RNASEH2B: variants seen among roughly 807,000 people sequenced by gnomAD.
RNASEH2B encodes the protein Aicardi-Goutieres syndrome 2 protein.
Under a neutral mutation model 45.0 loss-of-function variants are expected in RNASEH2B, and 36 were observed. That is an observed-to-expected ratio of 0.80 (90% CI 0.61 to 1.06). The LOEUF is 1.06. RNASEH2B is among the 50% of genes least tolerant of loss of function. The pLI, the probability that RNASEH2B is intolerant of heterozygous loss-of-function variation, is 0.00. For missense variants in RNASEH2B, 361 were observed against 360.3 expected (o/e 1.00, Z -0.02); for synonymous variants, 119 against 125.7 (o/e 0.95, Z 0.35).
At chr13:50,925,343 C>T (rs781074387) in intron 1 of RNASEH2B, among the ~76,000 whole-genome samples, 12 of 152,014 alleles carry the variant, frequency 7.9e-5, no homozygotes, top group Non-Finnish European at 1.8e-4. Context: ...TTTGTTTACT[C>T]ATTATGGGCC....
chr13:50,943,264 C>A lies in RNASEH2B; in HGVS notation c.437-57C>A, dbSNP rs1318093292. The A allele has an allele frequency of 9.0e-6, 9 of 997,778 alleles. No individual in the cohort carries two copies. In the South Asian group the frequency reaches 9.5e-5, roughly 10 times the overall value. 61.8% of individuals were successfully genotyped at this position (997,778 alleles called of 1,614,324 possible). On this transcript the variant is annotated intron_variant, in intron 5 of 10. Transcript: ENST00000336617. ...AATGGTTAACTTGTATATGATACAACCTTAGGAGTTTATTTTTTTTTTAAT... is the reference window on the plus strand; with the variant it reads ...AATGGTTAACTTGTATATGATACAAACTTAGGAGTTTATTTTTTTTTTAAT...
At chr13:50,968,711 T>G (rs1032472963) in intron 9 of RNASEH2B, among the ~76,000 whole-genome samples, 1 of 152,238 alleles carries the variant, frequency 6.6e-6, no homozygotes, top group Non-Finnish European at 1.5e-5. Flanking sequence ...CAATTTATCC[T>G]CAACGATGGC....
At chr13:50,933,994 G>C (rs925464549) in intron 4 of RNASEH2B, 1 of 152,200 alleles carries the variant, frequency 6.6e-6, no homozygotes. Flanking sequence ...ACCCAAGAAA[G>C]CTGCATTTGC....
intron 1 of RNASEH2B, among the ~76,000 whole-genome samples, chr13:50,924,913 T>C (rs1424021063): frequency 6.6e-6 from 1 of 152,244 alleles, no homozygotes; most frequent in Non-Finnish European, 1.5e-5. Flanking sequence ...CTGTTTCTTA[T>C]GCTTTGAGTT....
At chr13:50,962,301 C>T (rs909771538) in intron 9 of RNASEH2B, among the ~76,000 whole-genome samples, 6 of 152,210 alleles carry the variant, frequency 3.9e-5, no homozygotes, top group Admixed American at 1.3e-4. Context: ...CCTTATATGT[C>T]GGACACAATT....
intron 9 of RNASEH2B, chr13:50,950,876 A>T (rs1004687016): frequency 1.3e-5 from 2 of 152,218 alleles, no homozygotes; most frequent in African/African-American, 4.8e-5. Flanking sequence ...TTCATCATTT[A>T]TGATTTAGAT....
intron 3 of RNASEH2B, among the ~76,000 whole-genome samples, chr13:50,930,335 C>T (rs765064883): frequency 1.4e-4 from 21 of 152,160 alleles, no homozygotes; most frequent in African/African-American, 2.2e-4. Flanking sequence ...CTAACATTGC[C>T]GTCTTCTCAT....
At chr13:50,949,841 A>G (rs1951954441) in intron 9 of RNASEH2B, among the ~76,000 whole-genome samples, 1 of 152,208 alleles carries the variant, frequency 6.6e-6, no homozygotes, top group Admixed American at 6.5e-5. Flanking sequence ...AGCATACTCT[A>G]TATATAACTA....
At chr13:50,956,772 A>G (rs975278021), downstream of RNASEH2B, 2 of 1,088,190 alleles carry the variant, frequency 1.8e-6, no homozygotes, top group Non-Finnish European at 2.2e-6. Flanking sequence ...GTTAGAGTGT[A>G]TGACTGCTTT....
chr13:50,916,848 C>T (rs1879773043), intron 1 of RNASEH2B, among the ~76,000 whole-genome samples: 1 of 152,162 alleles, frequency 6.6e-6, no homozygotes, highest in Non-Finnish European at 1.5e-5. Context: ...TTAGCAGGTT[C>T]ACATCCTCCC....
chr13:50,964,660 C>T (rs1011247610), intron 9 of RNASEH2B, among the ~76,000 whole-genome samples: 8 of 152,200 alleles, frequency 5.3e-5, no homozygotes, highest in Admixed American at 5.2e-4. Flanking sequence ...ACATGATAGT[C>T]AGACAGGTTG....
rs148774768 is a variant in RNASEH2B, at chr13:50,948,716, A to C, written c.698+648A>C. 6.0e-4 allele frequency: 91 copies of C among 152,338 alleles called. 1 individual carries two copies. The highest frequency in any genetic ancestry group is 2.1e-3 in the African/African-American group (89 of 41,564). 9.4% of individuals were successfully genotyped at this position (152,338 alleles called of 1,614,324 possible). A position where few individuals can be genotyped will look rare whatever the true frequency, so the allele number is the denominator to read the frequency against. On this transcript the variant is annotated intron_variant, in intron 8 of 10. Coordinates refer to ENST00000336617, the MANE Select transcript of RNASEH2B (RefSeq NM_024570.4). ...AAGATTTTATGTGTGTGATGATTTA[A>C]TAGCTTTTCCTGATCCTTATAAATC...
chr13:50,969,710 G>A (rs2138049007), intron 9 of RNASEH2B, among the ~76,000 whole-genome samples: 1 of 152,138 alleles, frequency 6.6e-6, no homozygotes, highest in Admixed American at 6.5e-5. Flanking sequence ...GTGCTCTCGA[G>A]GAGCCTGCTA....
At chr13:50,944,508 G>T in intron 6 of RNASEH2B, among the ~76,000 whole-genome samples, 1 of 152,050 alleles carries the variant, frequency 6.6e-6, no homozygotes. Context: ...TACATGTGGG[G>T]CTTAAAACCT....
At chr13:50,918,789 G>T (rs1303529679) in intron 1 of RNASEH2B, among the ~76,000 whole-genome samples, 1 of 152,210 alleles carries the variant, frequency 6.6e-6, no homozygotes, top group Non-Finnish European at 1.5e-5. Flanking sequence ...GGGTGCCGGG[G>T]CAGTGGGACG....
intron 1 of RNASEH2B, chr13:50,910,851 A>G (rs368757145): frequency 6.6e-6 from 1 of 152,240 alleles, no homozygotes; most frequent in African/African-American, 2.4e-5. Flanking sequence ...TGGTCTTTTT[A>G]TATATGTAAC....
intron 1 of RNASEH2B, 105 bp downstream of exon 1, chr13:50,910,245 C>A: frequency 1.3e-6 from 1 of 742,758 alleles, no homozygotes; most frequent in Non-Finnish European, 1.9e-6. Flanking sequence ...CTACCCGGCC[C>A]GGCGCGGGAT....
intron 4 of RNASEH2B, among the ~76,000 whole-genome samples, chr13:50,932,801 A>G (rs1290855514): frequency 6.6e-6 from 1 of 152,208 alleles, no homozygotes; most frequent in Non-Finnish European, 1.5e-5. Flanking sequence ...TAATCCTTAG[A>G]TCAAATTCCT....
intron 4 of RNASEH2B, 102 bp downstream of exon 4, chr13:50,930,861 T>G: frequency 1.1e-6 from 1 of 889,732 alleles, no homozygotes; most frequent in East Asian, 2.4e-5. Context: ...GGATTCTACC[T>G]TCAGATCTAT....
Sources: gnomAD v4.1 joint callset for allele counts (sites outside exome capture counted in the v4.1 genomes callset) on GRCh38, gnomAD v4.1.1 for gene constraint, MANE v1.5 for transcripts, NCBI Gene and HGNC (gene_info 2026-07-23, HGNC 2026-07-21) for gene names.